CNTN4: variants seen among roughly 807,000 people sequenced by gnomAD.
The protein encoded by CNTN4 is contactin 4, also known as contactin-4.
A neutral mutation model predicts 122.5 loss-of-function variants in CNTN4; 77 were observed. That is an observed-to-expected ratio of 0.63 (90% confidence interval 0.52 to 0.76). The LOEUF (loss-of-function observed/expected upper bound fraction) is 0.76, where lower values mean the gene tolerates loss of function less well. CNTN4 is among the 30% of genes least tolerant of loss of function. The pLI, the probability that CNTN4 is intolerant of heterozygous loss-of-function variation, is 0.00. For missense variants in CNTN4, 1,256 were observed against 1,259.1 expected (o/e 1.00, Z 0.04); for synonymous variants, 512 against 447.0 (o/e 1.15, Z -1.83).
chr3:2,329,063 TAATAA>T (rs1006854851), intron 2 of CNTN4, among the ~76,000 whole-genome samples: 4 of 152,006 alleles, frequency 2.6e-5, no homozygotes, highest in African/African-American at 9.7e-5. Context: ...AAATGGAAAA[TAATAA>T]AATAAAAATT....
At chr3:2,522,786 C>G (rs976505712) in intron 3 of CNTN4, among the ~76,000 whole-genome samples, 1 of 151,890 alleles carries the variant, frequency 6.6e-6, no homozygotes, top group Non-Finnish European at 1.5e-5. Context: ...GGATAAAGAC[C>G]ATGTGGAATT....
chr3:2,634,377 A>C (rs2082566745), intron 4 of CNTN4, among the ~76,000 whole-genome samples: 1 of 152,218 alleles, frequency 6.6e-6, no homozygotes, highest in African/African-American at 2.4e-5. Flanking sequence ...ATAGCAAATA[A>C]GTATTCCTTC....
In CNTN4 at chr3:2,618,538, T is replaced by A. The variant is rs185969030; in HGVS notation, c.55+46980T>A. ...CACTCACTTCATTTTTACAACAACC[T>A]ATGAAATAGGTATATTGATCCTATT... On this transcript the variant is annotated intron_variant, in intron 4 of 24. Coordinates refer to ENST00000418658, the MANE Select transcript of CNTN4 (RefSeq NM_175607.3). Among the ~76,000 whole-genome samples the A allele has an allele frequency of 2.4e-3, 363 of 152,298 alleles. 1 individual carries two copies. Among genetic ancestry groups the A allele is most frequent in the African/African-American group, 8.3e-3 (343 of 41,572 alleles).
intron 4 of CNTN4, among the ~76,000 whole-genome samples, chr3:2,662,382 A>T (rs941557555): frequency 7.2e-5 from 11 of 152,198 alleles, no homozygotes; most frequent in South Asian, 4.1e-4. Flanking sequence ...ATGCAGATTA[A>T]TCTTCAGTGT....
chr3:2,996,541 T>C (rs1432904689), intron 14 of CNTN4, among the ~76,000 whole-genome samples: 1 of 152,130 alleles, frequency 6.6e-6, no homozygotes, highest in Non-Finnish European at 1.5e-5. Context: ...CTAATCAGAA[T>C]AAACAAAACA....
Position 2,147,067 on chromosome 3 carries a change from G to A in CNTN4, c.-145+46428G>A, listed in dbSNP as rs773540401. On this transcript the variant is annotated intron_variant, in intron 2 of 24. Coordinates refer to ENST00000418658, the MANE Select transcript of CNTN4 (RefSeq NM_175607.3). Reference sequence around the variant, plus strand: ...AGCTAATTTTTGTATTTTTAGTAGAGATGGGGTTTCATCATATTGGCCAGG... The same window carrying A: ...AGCTAATTTTTGTATTTTTAGTAGAAATGGGGTTTCATCATATTGGCCAGG... 3.3e-5 allele frequency among the ~76,000 whole-genome samples: 5 copies of A among 152,012 alleles called. No individual in the cohort carries two copies. In the East Asian group the frequency reaches 5.8e-4, roughly 18 times the overall value.
intron 4 of CNTN4, among the ~76,000 whole-genome samples, chr3:2,650,076 A>AATATATATATATAT (rs139412989): frequency 6.9e-6 from 1 of 145,570 alleles, no homozygotes; most frequent in South Asian, 2.1e-4. Context: ...TATTTTTATA[A>AATATATATATATAT]ATATATATAT....
intron 4 of CNTN4, among the ~76,000 whole-genome samples, chr3:2,580,797 A>T (rs1404617123): frequency 6.6e-6 from 1 of 152,190 alleles, no homozygotes; most frequent in Non-Finnish European, 1.5e-5. Flanking sequence ...TCAGTTTTGT[A>T]TGCACTATCA....
chr3:2,268,200 G>A (rs1045847344), intron 2 of CNTN4, among the ~76,000 whole-genome samples: 1 of 152,092 alleles, frequency 6.6e-6, no homozygotes, highest in African/African-American at 2.4e-5. Flanking sequence ...CTAAGACTAA[G>A]AGAACATTAG....
intron 4 of CNTN4, among the ~76,000 whole-genome samples, chr3:2,586,670 T>C (rs1191285135): frequency 6.6e-6 from 1 of 152,224 alleles, no homozygotes; most frequent in Non-Finnish European, 1.5e-5. Flanking sequence ...CTCTTCAGTC[T>C]AGTCCTTCAA....
intron 8 of CNTN4, among the ~76,000 whole-genome samples, chr3:2,878,607 C>T (rs1339060261): frequency 6.9e-6 from 1 of 143,992 alleles, no homozygotes; most frequent in African/African-American, 2.5e-5. Context: ...GTCTGTCTGT[C>T]TAGCTAGCTA....
At chr3:2,245,777 A>G (rs556768598) in intron 2 of CNTN4, among the ~76,000 whole-genome samples, 1 of 152,096 alleles carries the variant, frequency 6.6e-6, no homozygotes, top group Non-Finnish European at 1.5e-5. Flanking sequence ...ATGAAAAATT[A>G]TATACCTTTC....
chr3:2,196,173 C>G lies in CNTN4; in HGVS notation c.-145+95534C>G, dbSNP rs559219120. 2.0e-5 allele frequency among the ~76,000 whole-genome samples: 3 copies of G among 152,244 alleles called. No individual in the cohort carries two copies. The South Asian group carries it at 6.2e-4, about 32-fold the overall frequency. On this transcript the variant is annotated intron_variant, in intron 2 of 24. Coordinates refer to ENST00000418658, the MANE Select transcript of CNTN4 (RefSeq NM_175607.3). ...AGGGAACAGGCTGGAATTGATGTCT[C>G]TTTGCTGTTTTTCAGATACTCTGAC...
intron 3 of CNTN4, among the ~76,000 whole-genome samples, chr3:2,510,372 G>T (rs2076848814): frequency 1.4e-5 from 1 of 69,178 alleles, no homozygotes; most frequent in African/African-American, 4.4e-5. Context: ...TTGTTTGTTT[G>T]GGGTTTTTTT....
chr3:2,284,031 C>T (rs558733002), intron 2 of CNTN4, among the ~76,000 whole-genome samples: 1 of 151,596 alleles, frequency 6.6e-6, no homozygotes, highest in Non-Finnish European at 1.5e-5. Context: ...TGGGCTAAAA[C>T]CAGCTGAAAC....
At chr3:2,610,977 C>T (rs2081456440) in intron 4 of CNTN4, among the ~76,000 whole-genome samples, 1 of 151,670 alleles carries the variant, frequency 6.6e-6, no homozygotes, top group Non-Finnish European at 1.5e-5. Context: ...CCTTTTTTGC[C>T]AGAGTTGTTT....
intron 2 of CNTN4, among the ~76,000 whole-genome samples, chr3:2,224,872 C>CG (rs1244466687): frequency 7.9e-5 from 12 of 152,112 alleles, no homozygotes; most frequent in African/African-American, 2.9e-4. Flanking sequence ...AGGTTTGGGT[C>CG]GGGCGCGGTG....
chr3:2,494,625 G>T (rs2076406117), intron 3 of CNTN4, among the ~76,000 whole-genome samples: 6 of 152,202 alleles, frequency 3.9e-5, no homozygotes, highest in Admixed American at 3.9e-4. Flanking sequence ...GTCCTGGCAG[G>T]GGAAGGAGAT....
intron 3 of CNTN4, among the ~76,000 whole-genome samples, chr3:2,358,208 T>G (rs1285174205): frequency 1.3e-5 from 2 of 152,212 alleles, no homozygotes; most frequent in Non-Finnish European, 2.9e-5. Flanking sequence ...ACAGTCCACT[T>G]AACAGTTTGA....
Sources: allele counts gnomAD v4.1 joint callset (sites outside exome capture counted in the v4.1 genomes callset), GRCh38; gene constraint gnomAD v4.1.1; transcripts MANE v1.5; gene names NCBI Gene and HGNC (gene_info 2026-07-23, HGNC 2026-07-21).